Variants in CTNNA2 observed in about 807,000 individuals in gnomAD.
CTNNA2 encodes catenin alpha 2.
CTNNA2 carries 42 observed loss-of-function variants against 101.0 expected under a neutral mutation model. The observed-to-expected ratio is 0.42, with a 90% CI of 0.32 to 0.54. The LOEUF is 0.54. CTNNA2 is among the 20% of genes least tolerant of loss of function. The probability of loss-of-function intolerance (pLI) is 0.14; values close to 1 mark genes in which losing one functional copy is unlikely to be tolerated. For synonymous variants in CTNNA2, 450 were observed against 456.4 expected, an observed-to-expected ratio of 0.99 and a Z score of 0.18; for missense variants, 871 against 1,223.1, an observed-to-expected ratio of 0.71 and a Z score of 4.29.
intron 4 of CTNNA2, among the ~76,000 whole-genome samples, chr2:79,404,742 G>A (rs959933615): frequency 6.6e-5 from 10 of 152,086 alleles, no homozygotes; most frequent in African/African-American, 2.4e-4. Context: ...ATAATCTAGT[G>A]GAAATATGGT....
intron 3 of CTNNA2, among the ~76,000 whole-genome samples, chr2:79,843,167 C>G (rs962527057): frequency 2.6e-5 from 4 of 152,194 alleles, no homozygotes; most frequent in African/African-American, 9.7e-5. Context: ...GGTGCCAAAG[C>G]ATTAACTGGA....
chr2:79,205,501 T>C (rs1485369171), intron 2 of CTNNA2, among the ~76,000 whole-genome samples: 2 of 152,204 alleles, frequency 1.3e-5, no homozygotes, highest in Non-Finnish European at 2.9e-5. Context: ...CCTCAGAGTA[T>C]AGACATAAAA....
At chr2:80,589,906 G>A (rs529417549) in intron 15 of CTNNA2, among the ~76,000 whole-genome samples, 61 of 146,046 alleles carry the variant, frequency 4.2e-4, no homozygotes, top group African/African-American at 1.6e-3. Context: ...GTGTGTGTGT[G>A]CGCGCGCGCG....
At chr2:79,447,127 C>T (rs1414179179) in intron 4 of CTNNA2, among the ~76,000 whole-genome samples, 1 of 151,882 alleles carries the variant, frequency 6.6e-6, no homozygotes, top group Non-Finnish European at 1.5e-5. Context: ...TTAGGAGCCC[C>T]GGGTGTGTGT....
chr2:80,217,714 G>A (rs1474955663), intron 7 of CTNNA2, among the ~76,000 whole-genome samples: 1 of 152,158 alleles, frequency 6.6e-6, no homozygotes, highest in Non-Finnish European at 1.5e-5. Flanking sequence ...TTTTGTTGTT[G>A]TTGATCATTT....
chr2:79,825,611 T>C (rs1329244905), intron 3 of CTNNA2, among the ~76,000 whole-genome samples: 4 of 152,056 alleles, frequency 2.6e-5, no homozygotes, highest in African/African-American at 9.7e-5. Context: ...AGTTTGAGAT[T>C]AAGAAGGCCT....
chr2:80,198,258 G>A (rs559905415), intron 7 of CTNNA2, among the ~76,000 whole-genome samples: 67 of 152,232 alleles, frequency 4.4e-4, no homozygotes, highest in African/African-American at 1.6e-3. Flanking sequence ...GTTACGTCAG[G>A]GGTGTCTTCT....
At chr2:80,540,800 T>C (rs1313011539) in intron 9 of CTNNA2, among the ~76,000 whole-genome samples, 1 of 152,110 alleles carries the variant, frequency 6.6e-6, no homozygotes, top group African/African-American at 2.4e-5. Context: ...TCTCAAGCGA[T>C]TCTCCTGCTT....
intron 2 of CTNNA2, among the ~76,000 whole-genome samples, chr2:79,275,764 C>T (rs1434191): frequency 0.61 from 92,198 of 151,792 alleles, 28,221 homozygotes; most frequent in African/African-American, 0.62. Flanking sequence ...ATAATTTTAT[C>T]GCATTCCTCC....
chr2:80,635,241 G>A (rs1672754405), intron 18 of CTNNA2, among the ~76,000 whole-genome samples: 4 of 151,924 alleles, frequency 2.6e-5, no homozygotes. Context: ...AAAAAGCAGT[G>A]ACCAGGAAAA....
intron 3 of CTNNA2, among the ~76,000 whole-genome samples, chr2:79,754,190 C>T (rs543926355): frequency 8.5e-5 from 13 of 152,066 alleles, no homozygotes; most frequent in African/African-American, 2.2e-4. Context: ...TTTATTCAAT[C>T]GACATTTATT....
intron 2 of CTNNA2, among the ~76,000 whole-genome samples, chr2:79,680,999 A>G (rs1683527544): frequency 6.6e-6 from 1 of 152,070 alleles, no homozygotes; most frequent in South Asian, 2.1e-4. Flanking sequence ...AAAAAAGAAA[A>G]AGCAAAATTA....
At chr2:80,296,266 A>C (rs955612836) in intron 7 of CTNNA2, among the ~76,000 whole-genome samples, 1 of 152,192 alleles carries the variant, frequency 6.6e-6, no homozygotes, top group African/African-American at 2.4e-5. Context: ...GGGAAGAAGA[A>C]GGCACAGGCT....
chr2:79,838,423 C>G (rs556226445), intron 3 of CTNNA2, among the ~76,000 whole-genome samples: 5 of 152,138 alleles, frequency 3.3e-5, no homozygotes, highest in South Asian at 2.1e-4. Context: ...TCGAAAAATA[C>G]AGAAGGGGTT....
rs575987900 is a variant in CTNNA2, at chr2:79,788,835, G to A, written c.298+44253G>A. Among the ~76,000 whole-genome samples the A allele has an allele frequency of 3.9e-5, 6 of 152,166 alleles. No homozygotes were observed. The South Asian group carries it at 1.2e-3, about 32-fold the overall frequency. ...CAAGCTCATTTTATAATTTTGCTTT[G>A]CATACATTCCATACTTAGTCTCCTG... On this transcript the variant is annotated intron_variant, in intron 3 of 18. Coordinates refer to ENST00000402739, the MANE Select transcript of CTNNA2 (RefSeq NM_001282597.3).
chr2:79,311,888 G>A (rs574127481), intron 2 of CTNNA2, among the ~76,000 whole-genome samples: 1 of 152,218 alleles, frequency 6.6e-6, no homozygotes, highest in East Asian at 1.9e-4. Flanking sequence ...TTTCTCCTAA[G>A]GGCAGTCTTA....
rs572356137 is a variant in CTNNA2, at chr2:80,186,204, TA to T, written c.1057-207001del. ...ATGTTGGAGCCTTCATACATCACTCTAAAAAACTGTCAACTCCTAGAGACAC... is the reference window on the plus strand; with the variant it reads ...ATGTTGGAGCCTTCATACATCACTCTAAAAACTGTCAACTCCTAGAGACAC... On this transcript the variant is annotated intron_variant, in intron 7 of 18. Transcript: ENST00000402739. 2.6e-4 allele frequency among the ~76,000 whole-genome samples: 39 copies of T among 152,352 alleles called. No individual in the cohort carries two copies. The East Asian group carries it at 7.3e-3, about 29-fold the overall frequency.
chr2:80,573,129 C>T (rs1294121210), intron 12 of CTNNA2: 1 of 152,186 alleles, frequency 6.6e-6, no homozygotes, highest in Admixed American at 6.5e-5. Context: ...AATGATGTTT[C>T]TATTTTATCA....
rs74586929 is a variant in CTNNA2, at chr2:80,620,236, A to G, written c.2574+1008A>G. Among the ~76,000 whole-genome samples the G allele has an allele frequency of 2.1e-3, 319 of 151,820 alleles. 4 individuals carry two copies. Among genetic ancestry groups the G allele is most frequent in the African/African-American group, 6.7e-3 (276 of 41,454 alleles). On this transcript the variant is annotated intron_variant, in intron 18 of 18. Coordinates refer to ENST00000402739, the MANE Select transcript of CTNNA2 (RefSeq NM_001282597.3). ...GGATTATGAGTATTATAAAATATAT[A>G]AAGAGGGTATCATCCCTTTTTTTTT... is the stretch of plus-strand genomic sequence containing the variant.
Sources: gnomAD v4.1 joint callset for allele counts (sites outside exome capture counted in the v4.1 genomes callset) on GRCh38, gnomAD v4.1.1 for gene constraint, MANE v1.5 for transcripts, NCBI Gene and HGNC (gene_info 2026-07-23, HGNC 2026-07-21) for gene names.